Variants in NCAM2 observed in about 807,000 individuals in gnomAD.
NCAM2 encodes neural cell adhesion molecule 2, also known as N-CAM-2.
Under a neutral mutation model 98.1 loss-of-function variants are expected in NCAM2, and 30 were observed. The ratio of observed to expected loss-of-function variants is 0.31; its 90% CI spans 0.23 to 0.41. NCAM2 has a LOEUF of 0.41. Ranked by LOEUF, NCAM2 falls within the 10% of genes least tolerant of loss-of-function variation. NCAM2 has a pLI of 1.00. For synonymous variants in NCAM2, 368 were observed against 342.4 expected, an observed-to-expected ratio of 1.07 and a Z score of -0.83; for missense variants, 867 against 1,005.8, an observed-to-expected ratio of 0.86 and a Z score of 1.87.
In NCAM2 at chr21:21,541,979, A is replaced by ATACT. The variant is rs1464601952; in HGVS notation, c.*4025_*4028dup. 6.6e-6 allele frequency: 1 copy of ATACT among 151,862 alleles called. No homozygotes were observed. The highest frequency in any genetic ancestry group is 1.5e-5 in the Non-Finnish European group (1 of 67,824). 9.4% of individuals were successfully genotyped at this position (151,862 alleles called of 1,614,324 possible). ...TGTTTATTTACCCTTTGAAGCATTA[A>ATACT]TACTTAGTCACTCACATTGAAATTG... is the stretch of plus-strand genomic sequence containing the variant. On this transcript the variant is annotated 3_prime_UTR_variant, in exon 18 of 18. Transcript: ENST00000400546.
At chr21:21,496,939 T>A (rs769324865) in intron 15 of NCAM2, among the ~76,000 whole-genome samples, 2 of 151,522 alleles carry the variant, frequency 1.3e-5, no homozygotes, top group Non-Finnish European at 2.9e-5. Context: ...GGTTTTCTGT[T>A]CTGTCTAAGA....
intron 1 of NCAM2, among the ~76,000 whole-genome samples, chr21:21,184,810 G>A (rs926462033): frequency 2.6e-5 from 4 of 152,002 alleles, no homozygotes; most frequent in African/African-American, 9.7e-5. Flanking sequence ...AAAACCCTAG[G>A]CTATTTCTAG....
chr21:21,142,377 G>GTTTTTTTTT lies in NCAM2; in HGVS notation c.56-138190_56-138182dup, dbSNP rs10686568. On this transcript the variant is annotated intron_variant, in intron 1 of 17. Coordinates refer to ENST00000400546, the MANE Select transcript of NCAM2 (RefSeq NM_004540.5). ...AAATTATTTGACCGTTTTTTTTTAT[G>GTTTTTTTTT]TTTTTTTTTTTTTTTTTTTGAGATA... Among the ~76,000 whole-genome samples the GTTTTTTTTT allele has an allele frequency of 8.4e-5, 9 of 107,178 alleles. 1 individual carries two copies. The highest frequency in any genetic ancestry group is 1.3e-4 in the Admixed American group (1 of 7,812). The allele number at this position is 107,178 out of a possible 152,430, so 70.3% of individuals were successfully genotyped here.
At position 21,145,376 on chromosome 21, in the gene NCAM2, A is replaced by G. The variant is rs190268556; in HGVS notation, c.56-135202A>G. 5.5e-3 allele frequency among the ~76,000 whole-genome samples: 683 copies of G among 123,788 alleles called. 14 individuals carry two copies. In the East Asian group the frequency reaches 0.064, roughly 12 times the overall value. 81.2% of individuals were successfully genotyped at this position (123,788 alleles called of 152,430 possible). On this transcript the variant is annotated intron_variant, in intron 1 of 17. Coordinates refer to ENST00000400546, the MANE Select transcript of NCAM2 (RefSeq NM_004540.5). The stretch of plus-strand genomic sequence containing the variant: ...TAGATGTTTTAAAATTGAATAGCTA[A>G]TTTGAAATTGAGTATAAACCAAGAA...
At chr21:21,122,171 C>CA (rs35072729) in intron 1 of NCAM2, among the ~76,000 whole-genome samples, 150,281 of 152,332 alleles carry the variant, frequency 0.99, 74,150 homozygotes, top group East Asian at 1. Context: ...ACCTTTTAAC[C>CA]GAGGAATTTT....
At chr21:21,091,304 G>A (rs375116517) in intron 1 of NCAM2, among the ~76,000 whole-genome samples, 1 of 151,986 alleles carries the variant, frequency 6.6e-6, no homozygotes, top group African/African-American at 2.4e-5. Context: ...TTATGCATTA[G>A]ATACACAACC....
At chr21:21,169,574 T>A (rs2146834350) in intron 1 of NCAM2, among the ~76,000 whole-genome samples, 1 of 152,224 alleles carries the variant, frequency 6.6e-6, no homozygotes. Context: ...AATATACAAA[T>A]AACTCTTAAA....
At chr21:21,514,564 T>G (rs574335214) in intron 16 of NCAM2, among the ~76,000 whole-genome samples, 1 of 152,242 alleles carries the variant, frequency 6.6e-6, no homozygotes, top group Non-Finnish European at 1.5e-5. Context: ...GTCTCTTGTC[T>G]TATTTTTTAA....
At chr21:21,050,572 C>A (rs2065087671) in intron 1 of NCAM2, among the ~76,000 whole-genome samples, 1 of 152,072 alleles carries the variant, frequency 6.6e-6, no homozygotes, top group African/African-American at 2.4e-5. Flanking sequence ...TTTTGTTTGT[C>A]CTGCCAGAAT....
At chr21:21,034,653 T>G (rs1568950275) in intron 1 of NCAM2, among the ~76,000 whole-genome samples, 4 of 152,168 alleles carry the variant, frequency 2.6e-5, no homozygotes, top group African/African-American at 7.2e-5. Flanking sequence ...GAAAGAAACT[T>G]AAGTTTTAGA....
intron 15 of NCAM2, among the ~76,000 whole-genome samples, chr21:21,497,373 GT>G: frequency 6.6e-6 from 1 of 152,164 alleles, no homozygotes. Context: ...AAGGTATACA[GT>G]TTTACAATTA....
chr21:21,455,209 G>T (rs765182998), intron 12 of NCAM2, among the ~76,000 whole-genome samples: 17 of 49,700 alleles, frequency 3.4e-4, no homozygotes, highest in Non-Finnish European at 5.9e-4. Flanking sequence ...AAACCTATTG[G>T]CAAAAAAAAA....
intron 1 of NCAM2, among the ~76,000 whole-genome samples, chr21:21,078,382 CT>C (rs1261287998): frequency 6.6e-6 from 1 of 152,170 alleles, no homozygotes; most frequent in Non-Finnish European, 1.5e-5. Flanking sequence ...ACAAACACCT[CT>C]TTATTTATTG....
At chr21:21,471,777 A>T (rs1202196814) in intron 14 of NCAM2, among the ~76,000 whole-genome samples, 2 of 152,038 alleles carry the variant, frequency 1.3e-5, no homozygotes, top group Non-Finnish European at 2.9e-5. Context: ...AAAACTCCCT[A>T]TAGATTATGA....
At chr21:21,471,248 C>T (rs1984405025) in intron 14 of NCAM2, among the ~76,000 whole-genome samples, 2 of 151,974 alleles carry the variant, frequency 1.3e-5, no homozygotes. Flanking sequence ...CATTAAAATA[C>T]TCTATATATC....
At chr21:21,188,676 G>A (rs923023494) in intron 1 of NCAM2, among the ~76,000 whole-genome samples, 2 of 152,128 alleles carry the variant, frequency 1.3e-5, no homozygotes, top group Non-Finnish European at 2.9e-5. Context: ...ACTCAAATGT[G>A]TGTAAATTGT....
At chr21:21,269,833 CAAAGTTT>C (rs2072427602) in intron 1 of NCAM2, among the ~76,000 whole-genome samples, 1 of 151,990 alleles carries the variant, frequency 6.6e-6, no homozygotes, top group African/African-American at 2.4e-5. Context: ...CAATGTACAT[CAAAGTTT>C]ACTGTTAAGC....
chr21:21,238,765 A>C (rs2070945110), intron 1 of NCAM2, among the ~76,000 whole-genome samples: 2 of 152,246 alleles, frequency 1.3e-5, no homozygotes, highest in Admixed American at 1.3e-4. Flanking sequence ...GTAAGTAATA[A>C]ATTGGCCATT....
Position 21,284,379 on chromosome 21 carries a change from A to T in NCAM2, c.316A>T (p.Thr106Ser). The change falls in exon 3 of 18, where the codon ACA (threonine) becomes TCA (serine). Residue 106 changes from threonine to serine, a missense_variant. Thr to Ser is a moderately conservative substitution (Grantham distance 58). This residue lies in a region of NCAM2 where 447 missense variants were observed against 495.7 expected (regional missense o/e 0.90). Transcript: ENST00000400546. ...TGCCAAAGGACAAACACAAGAAGCTACAGTAGTTTTGGAAATTTACCGTAA... is the reference window on the plus strand; with the variant it reads ...TGCCAAAGGACAAACACAAGAAGCTTCAGTAGTTTTGGAAATTTACCGTAA... ...TDAKGQTQEA[T>S]VVLEIYQKLT... The T allele has an allele frequency of 6.2e-7, 1 of 1,611,926 alleles. No homozygotes were observed. The highest frequency in any genetic ancestry group is 2.2e-5 in the East Asian group (1 of 44,746).
Sources: allele counts gnomAD v4.1 joint callset (sites outside exome capture counted in the v4.1 genomes callset), GRCh38; gene constraint gnomAD v4.1.1; regional missense constraint gnomAD v4.1.1; transcripts MANE v1.5; gene names NCBI Gene and HGNC (gene_info 2026-07-23, HGNC 2026-07-21).